The following ZNF407 variants were observed in gnomAD, a reference collection of about 807,000 sequenced individuals.
The protein encoded by ZNF407 is zinc finger protein 407.
In ZNF407, 17 loss-of-function variants were observed where a neutral mutation model predicts 131.2. The observed-to-expected ratio is 0.13, with a 90% confidence interval of 0.09 to 0.19. ZNF407 has a LOEUF of 0.19. ZNF407 is among the 10% of genes least tolerant of loss of function. The probability of loss-of-function intolerance (pLI) is 1.00; values close to 1 mark genes in which losing one functional copy is unlikely to be tolerated. For missense variants in ZNF407, 2,681 were observed against 2,830.6 expected, an observed-to-expected ratio of 0.95 and a Z score of 1.20; for synonymous variants, 1,156 against 1,062.0, an observed-to-expected ratio of 1.09 and a Z score of -1.72.
chr18:74,772,250 A>G (rs1035705648), intron 3 of ZNF407, among the ~76,000 whole-genome samples: 2 of 152,214 alleles, frequency 1.3e-5, no homozygotes, highest in African/African-American at 4.8e-5. Flanking sequence ...AAACTGTTGT[A>G]TAAACTATAC....
At chr18:74,879,079 T>C (rs1971201581) in intron 5 of ZNF407, among the ~76,000 whole-genome samples, 1 of 152,186 alleles carries the variant, frequency 6.6e-6, no homozygotes, top group Non-Finnish European at 1.5e-5. Flanking sequence ...TCTTTTTGTA[T>C]GTATAAATCT....
chr18:74,663,175 G>A (rs35897285), intron 3 of ZNF407, among the ~76,000 whole-genome samples: 18,029 of 152,038 alleles, frequency 0.12, 1,334 homozygotes, highest in Non-Finnish European at 0.17. Context: ...TACAATGAAT[G>A]GGGGACCTTA....
chr18:74,705,222 A>G (rs1792663019), intron 3 of ZNF407, among the ~76,000 whole-genome samples: 1 of 151,872 alleles, frequency 6.6e-6, no homozygotes, highest in African/African-American at 2.4e-5. Flanking sequence ...GAAGGTAGGT[A>G]GATTTCACTT....
chr18:74,734,984 A>T (rs1005728922), intron 3 of ZNF407, among the ~76,000 whole-genome samples: 1 of 152,112 alleles, frequency 6.6e-6, no homozygotes, highest in Non-Finnish European at 1.5e-5. Flanking sequence ...AGAAGTGAGG[A>T]TTGAATATAT....
At chr18:74,988,648 T>TA (rs561159882) in intron 8 of ZNF407, among the ~76,000 whole-genome samples, 36 of 150,754 alleles carry the variant, frequency 2.4e-4, no homozygotes, top group Middle Eastern at 3.4e-3. Flanking sequence ...ATAATAATAA[T>TA]AAAAAAAATA....
At chr18:74,828,198 G>A (rs1970434761) in intron 4 of ZNF407, among the ~76,000 whole-genome samples, 1 of 152,130 alleles carries the variant, frequency 6.6e-6, no homozygotes, top group Non-Finnish European at 1.5e-5. Context: ...TTAATCTGTT[G>A]ACTTCTGGTT....
chr18:74,905,883 G>A (rs970682862), intron 7 of ZNF407: 3 of 152,120 alleles, frequency 2.0e-5, no homozygotes, highest in Admixed American at 6.6e-5. Flanking sequence ...AATGTCCAAA[G>A]GATTGTATTT....
chr18:74,829,866 A>C (rs1394939737), intron 4 of ZNF407, among the ~76,000 whole-genome samples: 2 of 151,808 alleles, frequency 1.3e-5, no homozygotes, highest in Non-Finnish European at 2.9e-5. Flanking sequence ...GGTGAATTAC[A>C]TTGTTATGGA....
At chr18:74,627,927 C>T (rs910783227) in intron 1 of ZNF407, among the ~76,000 whole-genome samples, 6 of 145,682 alleles carry the variant, frequency 4.1e-5, no homozygotes, top group Admixed American at 3.0e-4. Flanking sequence ...CAGGCTGGAA[C>T]GCAGTGGTTC....
intron 3 of ZNF407, among the ~76,000 whole-genome samples, chr18:74,739,402 G>T (rs1425413960): frequency 6.6e-6 from 1 of 151,838 alleles, no homozygotes; most frequent in East Asian, 1.9e-4. Flanking sequence ...GTACAGTGAG[G>T]CACATGCTTC....
At position 74,899,995 on chromosome 18, in the gene ZNF407, C is replaced by T. The variant is rs578034145; in HGVS notation, c.5249+9957C>T. ...AGGGTGGCAGCTGAAGGCAGGTAGACGGATGCGTGCTGTCTTTGTGTTGGC... is the reference window on the plus strand; with the variant it reads ...AGGGTGGCAGCTGAAGGCAGGTAGATGGATGCGTGCTGTCTTTGTGTTGGC... On this transcript the variant is annotated intron_variant, in intron 7 of 8. Coordinates refer to ENST00000299687, the MANE Select transcript of ZNF407 (RefSeq NM_017757.3). Among the ~76,000 whole-genome samples, 6 of 152,312 alleles carry T rather than the reference C, an allele frequency of 3.9e-5. No homozygotes were observed. The South Asian group carries it at 6.2e-4, about 16-fold the overall frequency.
chr18:74,907,800 A>G (rs770091871), intron 7 of ZNF407, among the ~76,000 whole-genome samples: 5 of 152,222 alleles, frequency 3.3e-5, no homozygotes, highest in African/African-American at 9.6e-5. Context: ...GGGTGTGTGT[A>G]TATTTTAAAC....
chr18:74,933,004 C>A (rs773440227), intron 8 of ZNF407, among the ~76,000 whole-genome samples: 4 of 152,102 alleles, frequency 2.6e-5, no homozygotes, highest in African/African-American at 9.7e-5. Flanking sequence ...AAGAATGAAA[C>A]GTAGAATTAC....
At chr18:74,946,627 T>A (rs969315425) in intron 8 of ZNF407, among the ~76,000 whole-genome samples, 11 of 152,256 alleles carry the variant, frequency 7.2e-5, no homozygotes, top group Admixed American at 6.5e-4. Flanking sequence ...TAGAACAATT[T>A]ATATTTGTCT....
intron 8 of ZNF407, among the ~76,000 whole-genome samples, chr18:74,968,798 T>G (rs1393039524): frequency 6.6e-6 from 1 of 152,218 alleles, no homozygotes; most frequent in East Asian, 1.9e-4. Flanking sequence ...CTCAGCTTCT[T>G]GATTGGCAGG....
intron 4 of ZNF407, among the ~76,000 whole-genome samples, chr18:74,809,106 A>G (rs1397459525): frequency 6.6e-6 from 1 of 152,226 alleles, no homozygotes. Flanking sequence ...TACGAAAAAA[A>G]ACAGCAAAAC....
At chr18:74,716,038 G>A (rs914530268) in intron 3 of ZNF407, among the ~76,000 whole-genome samples, 3 of 152,204 alleles carry the variant, frequency 2.0e-5, no homozygotes, top group Non-Finnish European at 2.9e-5. Flanking sequence ...AAAGGGTGCT[G>A]GGTTTGAGTA....
At chr18:74,990,415 TAAATTTCTG>T (rs1298906974) in intron 8 of ZNF407, among the ~76,000 whole-genome samples, 1 of 152,198 alleles carries the variant, frequency 6.6e-6, no homozygotes, top group Non-Finnish European at 1.5e-5. Flanking sequence ...TTTTTTCCCT[TAAATTTCTG>T]GATTTGATTC....
intron 3 of ZNF407, among the ~76,000 whole-genome samples, chr18:74,705,259 A>T (rs1967598350): frequency 6.6e-6 from 1 of 151,950 alleles, no homozygotes; most frequent in African/African-American, 2.4e-5. Flanking sequence ...TGTTGAGGTG[A>T]CTGAGTAGAG....
Sources: gnomAD v4.1 joint callset for allele counts (sites outside exome capture counted in the v4.1 genomes callset) on GRCh38, gnomAD v4.1.1 for gene constraint, MANE v1.5 for transcripts, NCBI Gene and HGNC (gene_info 2026-07-23, HGNC 2026-07-21) for gene names.